HERC4: variants seen among roughly 807,000 people sequenced by gnomAD.
HERC4 encodes probable E3 ubiquitin-protein ligase HERC4.
HERC4 carries 28 observed loss-of-function variants against 124.3 expected under a neutral mutation model. The observed-to-expected ratio is 0.23, with a 90% CI of 0.17 to 0.31. The LOEUF is 0.31. Among genes scored for constraint, HERC4 ranks in the 10% least tolerant of loss-of-function variants. The pLI is 1.00. For missense variants in HERC4, 713 were observed against 1,229.3 expected (o/e 0.58, Z 6.28); for synonymous variants, 407 against 421.5 (o/e 0.97, Z 0.42).
At chr10:67,939,514 A>G in intron 21 of HERC4, 74 bp downstream of exon 21, 1 of 1,042,798 alleles carries the variant, frequency 9.6e-7, no homozygotes, top group Middle Eastern at 2.2e-4. Context: ...CAAAATAAAG[A>G]AAAACCCTAA....
At chr10:68,057,623 CAA>C (rs770527997) in intron 3 of HERC4, among the ~76,000 whole-genome samples, 21 of 100,200 alleles carry the variant, frequency 2.1e-4, no homozygotes, top group Admixed American at 2.1e-4. Flanking sequence ...GACTCTGTCT[CAA>C]AAAAAAAAAA....
At chr10:67,948,187 T>A (rs1388370190) in intron 19 of HERC4, among the ~76,000 whole-genome samples, 3 of 152,122 alleles carry the variant, frequency 2.0e-5, no homozygotes, top group African/African-American at 7.2e-5. Flanking sequence ...TAAGTTTATA[T>A]CCTAAGGAAC....
chr10:67,932,505 A>C, intron 23 of HERC4, 92 bp downstream of exon 23: 1 of 1,060,748 alleles, frequency 9.4e-7, no homozygotes, highest in Non-Finnish European at 1.4e-6. Flanking sequence ...GTAGTAATAA[A>C]GTGTATAAAA....
intron 3 of HERC4, among the ~76,000 whole-genome samples, chr10:68,059,604 ATAT>A (rs1298829481): frequency 5.0e-5 from 4 of 79,786 alleles, no homozygotes; most frequent in African/African-American, 1.5e-4. Context: ...ATATATCATA[ATAT>A]TATATATCAT....
At chr10:67,941,669 C>CATTTTTTTTTT (rs2032904788) in intron 19 of HERC4, among the ~76,000 whole-genome samples, 1 of 91,764 alleles carries the variant, frequency 1.1e-5, no homozygotes, top group Non-Finnish European at 2.1e-5. Flanking sequence ...TAAAACACAA[C>CATTTTTTTTTT]TTTTTTTTTT....
intron 9 of HERC4, among the ~76,000 whole-genome samples, chr10:68,013,364 T>C (rs1013382144): frequency 2.0e-5 from 3 of 152,224 alleles, no homozygotes; most frequent in Admixed American, 1.3e-4. Flanking sequence ...GAGCCCACAA[T>C]ATCTCCAAGG....
intron 9 of HERC4, among the ~76,000 whole-genome samples, chr10:68,001,029 A>G (rs900957584): frequency 6.6e-6 from 1 of 152,314 alleles, no homozygotes; most frequent in East Asian, 1.9e-4. Flanking sequence ...GCCTGGCTCC[A>G]GGGAGATAAT....
intron 3 of HERC4, among the ~76,000 whole-genome samples, chr10:68,057,708 ATTTTT>A (rs112719465): frequency 3.4e-5 from 5 of 146,866 alleles, no homozygotes; most frequent in Non-Finnish European, 7.5e-5. Flanking sequence ...ACACCTTATT[ATTTTT>A]TTTTTTCTTT....
Position 68,059,830 on chromosome 10 carries a change from T to TTA in HERC4, c.226+13051_226+13052dup, listed in dbSNP as rs1564609731. On this transcript the variant is annotated intron_variant, in intron 3 of 24. Transcript: ENST00000373700. ...TATTATAATATTATATATCATAATA[T>TTA]TATATATTATAATATATTATATATC... is the stretch of plus-strand genomic sequence containing the variant. Among the ~76,000 whole-genome samples the TTA allele has an allele frequency of 5.5e-4, 28 of 50,842 alleles. 7 individuals carry two copies. The African/African-American group carries it at 5.9e-3, about 11-fold the overall frequency. The allele number at this position is 50,842 out of a possible 152,430, so 33.4% of individuals were successfully genotyped here.
At chr10:68,034,257 T>G (rs563335199) in intron 5 of HERC4, 71 bp from the exon 6 acceptor site, 2 of 1,077,642 alleles carry the variant, frequency 1.9e-6, no homozygotes, top group East Asian at 5.0e-5. Context: ...AATAATCATT[T>G]CATTTCAAAT....
At chr10:67,969,721 C>CT (rs1368855862) in intron 15 of HERC4, among the ~76,000 whole-genome samples, 1 of 151,976 alleles carries the variant, frequency 6.6e-6, no homozygotes, top group Non-Finnish European at 1.5e-5. Flanking sequence ...ATCAGTAGGA[C>CT]TAGAGGTCTG....
chr10:67,942,668 T>C (rs1436959849), intron 19 of HERC4, among the ~76,000 whole-genome samples: 1 of 152,092 alleles, frequency 6.6e-6, no homozygotes, highest in Non-Finnish European at 1.5e-5. Context: ...TGAGCCACCA[T>C]GCCTGGCTAA....
chr10:68,042,460 C>CA (rs1270165038), intron 4 of HERC4, among the ~76,000 whole-genome samples: 1 of 152,130 alleles, frequency 6.6e-6, no homozygotes, highest in Non-Finnish European at 1.5e-5. Flanking sequence ...TCTGTCTCTA[C>CA]AAAAAATACA....
At chr10:67,932,336 T>C (rs797000830) in intron 23 of HERC4, among the ~76,000 whole-genome samples, 5 of 152,302 alleles carry the variant, frequency 3.3e-5, no homozygotes, top group African/African-American at 1.2e-4. Context: ...TCCTCCCGCC[T>C]AAGCACCCCA....
At chr10:68,040,173 TA>T in intron 4 of HERC4, 3 of 982,784 alleles carry the variant, frequency 3.1e-6, no homozygotes, top group Non-Finnish European at 3.6e-6. Context: ...AAAAATTTTC[TA>T]AATTTGCATA....
At chr10:68,013,517 C>A (rs1227904551) in intron 9 of HERC4, among the ~76,000 whole-genome samples, 1 of 152,122 alleles carries the variant, frequency 6.6e-6, no homozygotes, top group Non-Finnish European at 1.5e-5. Flanking sequence ...TTTGAGGTAC[C>A]TAGCCTAGTG....
At chr10:67,975,814 GTTCT>G (rs964134096) in intron 15 of HERC4, among the ~76,000 whole-genome samples, 12 of 152,118 alleles carry the variant, frequency 7.9e-5, no homozygotes, top group African/African-American at 1.7e-4. Context: ...AGCACTTTCA[GTTCT>G]TTTTTTCTCC....
At chr10:67,971,749 C>A (rs1470401058) in intron 15 of HERC4, among the ~76,000 whole-genome samples, 1 of 150,976 alleles carries the variant, frequency 6.6e-6, no homozygotes, top group Non-Finnish European at 1.5e-5. Context: ...GAATGACCAC[C>A]ATAACCACTT....
At position 68,059,477 on chromosome 10, in the gene HERC4, A is replaced by AATATTATATATT. The variant is rs1564606820; in HGVS notation, c.226+13394_226+13405dup. ...ATATTATAATAATATTATATATTATAATATTATATATTATAACATTATATA... is the reference window on the plus strand; with the variant it reads ...ATATTATAATAATATTATATATTATAATATTATATATTATATTATATATTATAACATTATATA... On this transcript the variant is annotated intron_variant, in intron 3 of 24. Coordinates refer to ENST00000373700, the MANE Select transcript of HERC4 (RefSeq NM_015601.4). Among the ~76,000 whole-genome samples the AATATTATATATT allele has an allele frequency of 3.9e-5, 5 of 128,496 alleles. No homozygotes were observed. The East Asian group carries it at 8.2e-4, about 21-fold the overall frequency. The allele number at this position is 128,496 out of a possible 152,430, so 84.3% of individuals were successfully genotyped here. A position where few individuals can be genotyped will look rare whatever the true frequency, so the allele number is the denominator to read the frequency against.
Sources: allele counts gnomAD v4.1 joint callset (sites outside exome capture counted in the v4.1 genomes callset), GRCh38; gene constraint gnomAD v4.1.1; transcripts MANE v1.5; gene names NCBI Gene and HGNC (gene_info 2026-07-23, HGNC 2026-07-21).